Variants in SNX4 observed in about 807,000 individuals in gnomAD.
SNX4 encodes sorting nexin 4, also known as sorting nexin-4.
SNX4 carries 49 observed loss-of-function variants against 70.8 expected under a neutral mutation model. That is an observed-to-expected ratio of 0.69 (90% confidence interval 0.55 to 0.88). The LOEUF is 0.88. SNX4 is among the 40% of genes least tolerant of loss of function. The pLI is 0.00. For synonymous variants in SNX4, 206 were observed against 183.8 expected (o/e 1.12, Z -0.98); for missense variants, 528 against 544.8 (o/e 0.97, Z 0.31).
chr3:125,517,973 C>T (rs1357813783), intron 1 of SNX4, among the ~76,000 whole-genome samples: 1 of 150,720 alleles, frequency 6.6e-6, no homozygotes, highest in East Asian at 2.0e-4. Context: ...CAAGAGACTG[C>T]TCAAAAAAAA....
chr3:125,481,000 C>G (rs1002424662), intron 6 of SNX4, among the ~76,000 whole-genome samples: 1 of 152,130 alleles, frequency 6.6e-6, no homozygotes, highest in Non-Finnish European at 1.5e-5. Flanking sequence ...TAACTCAGGT[C>G]TCTCATAGAT....
At chr3:125,506,867 A>G (rs1031670227) in intron 1 of SNX4, among the ~76,000 whole-genome samples, 1 of 143,786 alleles carries the variant, frequency 7.0e-6, no homozygotes, top group African/African-American at 2.6e-5. Flanking sequence ...ATGTATGAAC[A>G]AAATAGAAGT....
intron 2 of SNX4, among the ~76,000 whole-genome samples, chr3:125,500,267 T>C (rs1261185273): frequency 6.6e-5 from 10 of 152,182 alleles, no homozygotes; most frequent in African/African-American, 2.2e-4. Context: ...TCATTAACCA[T>C]GTTTTACAAA....
At chr3:125,483,746 A>C (rs749380132) in intron 6 of SNX4, among the ~76,000 whole-genome samples, 1 of 152,238 alleles carries the variant, frequency 6.6e-6, no homozygotes, top group African/African-American at 2.4e-5. Context: ...TTTGAAAAAA[A>C]TCACAATTAC....
intron 12 of SNX4, among the ~76,000 whole-genome samples, chr3:125,453,502 T>G (rs1410856220): frequency 3.9e-5 from 4 of 101,982 alleles, no homozygotes; most frequent in Non-Finnish European, 7.4e-5. Flanking sequence ...TTATTTTTAT[T>G]TATTTATTTA....
intron 1 of SNX4, among the ~76,000 whole-genome samples, chr3:125,510,714 T>C (rs747853066): frequency 2.0e-5 from 3 of 152,180 alleles, no homozygotes; most frequent in Admixed American, 6.5e-5. Context: ...GTACTCGGAA[T>C]AGTCAAAATC....
At chr3:125,501,346 T>C (rs1428544999) in intron 2 of SNX4, among the ~76,000 whole-genome samples, 5 of 152,088 alleles carry the variant, frequency 3.3e-5, no homozygotes, top group South Asian at 2.1e-4. Flanking sequence ...GCTGGGCACA[T>C]TGGCTCACAC....
chr3:125,463,220 CA>C (rs1163478373), intron 9 of SNX4, among the ~76,000 whole-genome samples: 1 of 152,160 alleles, frequency 6.6e-6, no homozygotes, highest in African/African-American at 2.4e-5. Context: ...TCTGTAAGTA[CA>C]AACTTACAGC....
intron 11 of SNX4, 92 bp from the exon 12 acceptor site, chr3:125,454,047 C>A: frequency 9.8e-7 from 1 of 1,025,096 alleles, no homozygotes; most frequent in South Asian, 1.5e-5. Context: ...TAAAAGGAAT[C>A]AAATCTGATA....
At chr3:125,487,328 G>A (rs918060365) in intron 6 of SNX4, among the ~76,000 whole-genome samples, 1 of 152,024 alleles carries the variant, frequency 6.6e-6, no homozygotes, top group Non-Finnish European at 1.5e-5. Flanking sequence ...AACTGCCTTG[G>A]TGACATTATT....
At chr3:125,472,968 T>A (rs1336319695) in intron 8 of SNX4, among the ~76,000 whole-genome samples, 1 of 152,002 alleles carries the variant, frequency 6.6e-6, no homozygotes, top group Non-Finnish European at 1.5e-5. Context: ...AAAAGTCTTA[T>A]TACCCTTCAA....
intron 7 of SNX4, among the ~76,000 whole-genome samples, chr3:125,477,545 T>C (rs1934314149): frequency 6.6e-6 from 1 of 152,188 alleles, no homozygotes; most frequent in Non-Finnish European, 1.5e-5. Flanking sequence ...ATTTCTGGTA[T>C]ACAGTTTCTA....
intron 1 of SNX4, among the ~76,000 whole-genome samples, chr3:125,513,456 A>G (rs972754399): frequency 5.3e-5 from 8 of 152,256 alleles, no homozygotes; most frequent in Admixed American, 6.5e-5. Context: ...GGGTTAATGC[A>G]TATCAAGAGT....
chr3:125,478,026 AG>A (rs1934323298), intron 7 of SNX4, among the ~76,000 whole-genome samples: 1 of 151,636 alleles, frequency 6.6e-6, no homozygotes, highest in Admixed American at 6.6e-5. Context: ...TAATTTCTCT[AG>A]GATGTCATTT....
intron 10 of SNX4, 78 bp downstream of exon 10, chr3:125,460,693 T>C (rs1217592537): frequency 8.3e-6 from 5 of 601,924 alleles, no homozygotes; most frequent in Non-Finnish European, 1.5e-5. Context: ...AACACTCTAC[T>C]ATCTGTACTT....
intron 2 of SNX4, among the ~76,000 whole-genome samples, chr3:125,502,853 CAA>C (rs376503388): frequency 3.5e-5 from 3 of 86,620 alleles, no homozygotes; most frequent in Non-Finnish European, 7.0e-5. Context: ...GACTCCATCT[CAA>C]AAAAAAAAAA....
chr3:125,498,484 A>G (rs1223465880), intron 2 of SNX4, among the ~76,000 whole-genome samples: 2 of 152,152 alleles, frequency 1.3e-5, no homozygotes, highest in African/African-American at 4.8e-5. Context: ...CACATTGGCT[A>G]ATACTTTAAT....
At chr3:125,492,775 A>C (rs1559820483) in intron 5 of SNX4, among the ~76,000 whole-genome samples, 1 of 152,230 alleles carries the variant, frequency 6.6e-6, no homozygotes, top group Non-Finnish European at 1.5e-5. Flanking sequence ...TTAGAAGAGT[A>C]CCTCACACTG....
chr3:125,516,585 A>G (rs1042731505), intron 1 of SNX4, among the ~76,000 whole-genome samples: 2 of 152,210 alleles, frequency 1.3e-5, no homozygotes, highest in Non-Finnish European at 2.9e-5. Flanking sequence ...TCACGCCTGT[A>G]ATCCCAGCAC....
Sources: allele counts gnomAD v4.1 joint callset (sites outside exome capture counted in the v4.1 genomes callset), GRCh38; gene constraint gnomAD v4.1.1; transcripts MANE v1.5; gene names NCBI Gene and HGNC (gene_info 2026-07-23, HGNC 2026-07-21).